Variants in PRKAA2 observed in about 807,000 individuals in gnomAD.
PRKAA2 encodes protein kinase AMP-activated catalytic subunit alpha 2.
PRKAA2 carries 40 observed loss-of-function variants against 56.3 expected under a neutral mutation model. The observed-to-expected ratio is 0.71, with a 90% CI of 0.55 to 0.92. PRKAA2 has a LOEUF of 0.92. PRKAA2 is among the 40% of genes least tolerant of loss of function. The pLI, the probability that PRKAA2 is intolerant of heterozygous loss-of-function variation, is 0.00. For synonymous variants in PRKAA2, 214 were observed against 234.2 expected (o/e 0.91, Z 0.79); for missense variants, 542 against 686.9 (o/e 0.79, Z 2.36).
At chr1:56,688,455 G>T (rs573866901) in intron 2 of PRKAA2, among the ~76,000 whole-genome samples, 8 of 152,234 alleles carry the variant, frequency 5.3e-5, no homozygotes, top group African/African-American at 1.9e-4. Flanking sequence ...TGAGATGCGT[G>T]GTCTGAAGCT....
At chr1:56,694,013 G>A (rs1024591419) in intron 5 of PRKAA2, among the ~76,000 whole-genome samples, 161 bp downstream of exon 5, 1 of 152,080 alleles carries the variant, frequency 6.6e-6, no homozygotes, top group African/African-American at 2.4e-5. Flanking sequence ...ATCAAAAAAT[G>A]TTAAACATTT....
At chr1:56,674,090 T>A (rs1401493839) in intron 1 of PRKAA2, among the ~76,000 whole-genome samples, 1 of 152,234 alleles carries the variant, frequency 6.6e-6, no homozygotes, top group Non-Finnish European at 1.5e-5. Flanking sequence ...AAGTTGATTA[T>A]GTTTTTAGTA....
At chr1:56,653,726 A>T in intron 1 of PRKAA2, among the ~76,000 whole-genome samples, 1 of 152,156 alleles carries the variant, frequency 6.6e-6, no homozygotes, top group East Asian at 1.9e-4. Flanking sequence ...AAATTTATTG[A>T]TGAGAGAGAG....
At chr1:56,701,904 A>G (rs977757271) in intron 6 of PRKAA2, among the ~76,000 whole-genome samples, 1 of 152,064 alleles carries the variant, frequency 6.6e-6, no homozygotes, top group African/African-American at 2.4e-5. Flanking sequence ...AAAAAAAAAA[A>G]GAAGTTGTCA....
At chr1:56,692,028 ATTTTTTTTTTTT>A (rs397863487) in intron 3 of PRKAA2, among the ~76,000 whole-genome samples, 13 of 112,804 alleles carry the variant, frequency 1.2e-4, no homozygotes, top group Non-Finnish European at 1.9e-4. Context: ...GATGTCTCAG[ATTTTTTTTTTTT>A]TTTTTTTTTT....
chr1:56,657,568 C>T (rs530257377), intron 1 of PRKAA2, among the ~76,000 whole-genome samples: 2 of 152,040 alleles, frequency 1.3e-5, no homozygotes, highest in South Asian at 2.1e-4. Flanking sequence ...CCCAGCTACT[C>T]GGGAGGCTGA....
At chr1:56,683,317 A>G (rs1644168800) in intron 2 of PRKAA2, among the ~76,000 whole-genome samples, 1 of 152,102 alleles carries the variant, frequency 6.6e-6, no homozygotes, top group Non-Finnish European at 1.5e-5. Context: ...AGTAGTAGGT[A>G]TTCAATAATT....
intron 1 of PRKAA2, among the ~76,000 whole-genome samples, chr1:56,662,376 GAT>G (rs920781871): frequency 7.9e-5 from 12 of 151,790 alleles, no homozygotes; most frequent in African/African-American, 2.7e-4. Context: ...GGAATTAAAA[GAT>G]AAAAATAAAA....
At chr1:56,697,860 G>A (rs59772508) in intron 6 of PRKAA2, among the ~76,000 whole-genome samples, 20,314 of 151,440 alleles carry the variant, frequency 0.13, 2,268 homozygotes, top group African/African-American at 0.29. Context: ...TTTAAAACAG[G>A]TGTTTGTATA....
intron 1 of PRKAA2, among the ~76,000 whole-genome samples, chr1:56,656,401 A>T (rs1643942746): frequency 6.6e-6 from 1 of 152,198 alleles, no homozygotes; most frequent in South Asian, 2.1e-4. Flanking sequence ...AATGTGATTT[A>T]TCAGTTCTAT....
chr1:56,693,761 T>C lies in PRKAA2; in HGVS notation c.476-4T>C. 1 of 1,545,822 alleles carries C rather than the reference T, an allele frequency of 6.5e-7. No homozygotes were observed. Among genetic ancestry groups the C allele is most frequent in the Non-Finnish European group, 8.8e-7 (1 of 1,133,364 alleles). ...CACCAAGTAAACATTACTTTTATTT[T>C]TAGGATTATCTAATATGATGTCAGA... is the stretch of plus-strand genomic sequence containing the variant. On this transcript the variant is annotated splice_polypyrimidine_tract_variant and splice_region_variant and intron_variant, in intron 4 of 8. Coordinates refer to ENST00000371244, the MANE Select transcript of PRKAA2 (RefSeq NM_006252.4).
At chr1:56,679,474 A>T (rs1264737338) in intron 2 of PRKAA2, among the ~76,000 whole-genome samples, 1 of 152,180 alleles carries the variant, frequency 6.6e-6, no homozygotes, top group Non-Finnish European at 1.5e-5. Flanking sequence ...GTAAATGAAA[A>T]TACCATTCAT....
intron 2 of PRKAA2, among the ~76,000 whole-genome samples, chr1:56,676,458 C>T (rs1302236257): frequency 6.6e-6 from 1 of 152,192 alleles, no homozygotes; most frequent in African/African-American, 2.4e-5. Flanking sequence ...TCTCTACAAG[C>T]TGGGAAATGC....
chr1:56,669,122 A>G (rs1043784938), intron 1 of PRKAA2, among the ~76,000 whole-genome samples: 1 of 152,148 alleles, frequency 6.6e-6, no homozygotes, highest in Admixed American at 6.5e-5. Flanking sequence ...ATCCTGATAA[A>G]TGGCTGAGCT....
intron 2 of PRKAA2, among the ~76,000 whole-genome samples, chr1:56,675,681 CA>C (rs2100406208): frequency 6.6e-6 from 1 of 152,102 alleles, no homozygotes; most frequent in African/African-American, 2.4e-5. Flanking sequence ...ACTTAAGAAA[CA>C]AAGCCCTATG....
chr1:56,706,040 TA>T, intron 7 of PRKAA2, 51 bp from the exon 8 acceptor site: 1 of 1,497,554 alleles, frequency 6.7e-7, no homozygotes, highest in Non-Finnish European at 9.1e-7. Flanking sequence ...TTTTTTTGCA[TA>T]AAAAGGTAGA....
chr1:56,686,573 C>A lies in PRKAA2; in HGVS notation c.237-4821C>A, dbSNP rs1403347246. Among the ~76,000 whole-genome samples, 4 of 152,150 alleles carry A rather than the reference C, an allele frequency of 2.6e-5. No individual in the cohort carries two copies. The East Asian group carries it at 7.7e-4, about 29-fold the overall frequency. ...GGTCTCAGGAAGCTTACAATCATGA[C>A]AGAAGGCAACTGGCAGCCAGGGTGT... On this transcript the variant is annotated intron_variant, in intron 2 of 8. Transcript: ENST00000371244.
chr1:56,655,578 C>T (rs773183428), intron 1 of PRKAA2, among the ~76,000 whole-genome samples: 2 of 151,908 alleles, frequency 1.3e-5, no homozygotes, highest in South Asian at 4.1e-4. Context: ...TACCAGTGTT[C>T]ATCTGCTCAT....
chr1:56,678,669 G>T, intron 2 of PRKAA2, among the ~76,000 whole-genome samples: 1 of 149,352 alleles, frequency 6.7e-6, no homozygotes, highest in African/African-American at 2.5e-5. Context: ...ATGCTTGTTA[G>T]TCTGGTAGAG....
Sources: gnomAD v4.1 joint callset for allele counts (sites outside exome capture counted in the v4.1 genomes callset) on GRCh38, gnomAD v4.1.1 for gene constraint, MANE v1.5 for transcripts, NCBI Gene and HGNC (gene_info 2026-07-23, HGNC 2026-07-21) for gene names.